NKAIN2: variants seen among roughly 807,000 people sequenced by gnomAD.
NKAIN2 encodes the protein sodium/potassium transporting ATPase interacting 2.
In NKAIN2, 14 loss-of-function variants were observed where a neutral mutation model predicts 32.6. That is an observed-to-expected ratio of 0.43 (90% CI 0.28 to 0.67). NKAIN2 has a LOEUF of 0.67. Ranked by LOEUF, NKAIN2 falls within the 30% of genes least tolerant of loss-of-function variation. The probability of loss-of-function intolerance (pLI) is 0.17; values close to 1 mark genes in which losing one functional copy is unlikely to be tolerated. For missense variants in NKAIN2, 198 were observed against 258.3 expected (o/e 0.77, Z 1.60); for synonymous variants, 80 against 87.2 (o/e 0.92, Z 0.46).
intron 3 of NKAIN2, among the ~76,000 whole-genome samples, chr6:124,455,547 T>G (rs1776286848): frequency 6.6e-6 from 1 of 152,042 alleles, no homozygotes; most frequent in Non-Finnish European, 1.5e-5. Flanking sequence ...TAAATGACTA[T>G]GATGATATTA....
chr6:124,441,614 A>G (rs1248738159), intron 3 of NKAIN2, among the ~76,000 whole-genome samples: 3 of 151,984 alleles, frequency 2.0e-5, no homozygotes, highest in Non-Finnish European at 4.4e-5. Context: ...GCCAGTATCT[A>G]TTTCCAGCCA....
At chr6:124,459,417 A>G (rs1473769445) in intron 3 of NKAIN2, among the ~76,000 whole-genome samples, 1 of 151,918 alleles carries the variant, frequency 6.6e-6, no homozygotes, top group South Asian at 2.1e-4. Flanking sequence ...TATCTTTGTC[A>G]TACTACCTGG....
chr6:124,604,459 CTCTG>C (rs926602721), intron 3 of NKAIN2, among the ~76,000 whole-genome samples: 2 of 151,688 alleles, frequency 1.3e-5, no homozygotes, highest in African/African-American at 4.8e-5. Context: ...TTCCCAGTGT[CTCTG>C]TCTCTCTCCC....
intron 3 of NKAIN2, among the ~76,000 whole-genome samples, chr6:124,591,779 C>T (rs758351023): frequency 4.6e-5 from 7 of 151,890 alleles, no homozygotes; most frequent in African/African-American, 1.5e-4. Flanking sequence ...CTCTGCCAAG[C>T]TTTGAGATTT....
chr6:124,374,548 A>G (rs1213042305), intron 3 of NKAIN2, among the ~76,000 whole-genome samples: 1 of 152,158 alleles, frequency 6.6e-6, no homozygotes, highest in Non-Finnish European at 1.5e-5. Context: ...CAATTAAGGA[A>G]ATTAGATTCA....
intron 1 of NKAIN2, among the ~76,000 whole-genome samples, chr6:123,914,684 T>C (rs1344835441): frequency 6.6e-6 from 1 of 152,174 alleles, no homozygotes; most frequent in Non-Finnish European, 1.5e-5. Flanking sequence ...ATACCCCGGC[T>C]GTCTCACTCA....
chr6:124,226,384 C>G (rs1792109365), intron 1 of NKAIN2, among the ~76,000 whole-genome samples: 1 of 151,958 alleles, frequency 6.6e-6, no homozygotes, highest in Admixed American at 6.6e-5. Context: ...TTCTTTAAAA[C>G]AAGCTTTTCC....
intron 2 of NKAIN2, 174 bp downstream of exon 2, chr6:124,283,316 T>A: frequency 1.9e-6 from 1 of 531,374 alleles, no homozygotes; most frequent in Non-Finnish European, 3.3e-6. Flanking sequence ...ATTGAAAATG[T>A]CAGGTTTAAG....
intron 3 of NKAIN2, among the ~76,000 whole-genome samples, chr6:124,442,690 A>T (rs1775740097): frequency 6.6e-6 from 1 of 152,008 alleles, no homozygotes; most frequent in Non-Finnish European, 1.5e-5. Context: ...TGACATAGTG[A>T]CCTCTACCCT....
intron 2 of NKAIN2, among the ~76,000 whole-genome samples, chr6:124,344,902 T>C (rs1798327889): frequency 6.6e-6 from 1 of 152,196 alleles, no homozygotes; most frequent in Non-Finnish European, 1.5e-5. Context: ...GACATCCCTG[T>C]CTTGTGCCAG....
Position 124,323,910 on chromosome 6 carries a change from C to T in NKAIN2, c.193-31357C>T, listed in dbSNP as rs1797309316. On this transcript the variant is annotated intron_variant, in intron 2 of 6. Coordinates refer to ENST00000368417, the MANE Select transcript of NKAIN2 (RefSeq NM_001040214.3). ...ACATGCCATTCTCCTGCCTCAGCCT[C>T]CCGAGGAGCTGGGACTACAGGCGCC... is the stretch of plus-strand genomic sequence containing the variant. Among the ~76,000 whole-genome samples the T allele has an allele frequency of 2.6e-5, 4 of 151,670 alleles. No homozygotes were observed. In the South Asian group the frequency reaches 8.3e-4, roughly 32 times the overall value.
intron 4 of NKAIN2, among the ~76,000 whole-genome samples, chr6:124,754,034 C>T (rs1051233960): frequency 6.6e-6 from 1 of 152,040 alleles, no homozygotes; most frequent in South Asian, 2.1e-4. Context: ...TTTCATGAGT[C>T]TATTTTAGTA....
At chr6:124,220,530 T>C (rs1439100802) in intron 1 of NKAIN2, among the ~76,000 whole-genome samples, 1 of 79,412 alleles carries the variant, frequency 1.3e-5, no homozygotes, top group Non-Finnish European at 2.9e-5. Flanking sequence ...TGAATAAACA[T>C]ACATATGTAT....
intron 3 of NKAIN2, among the ~76,000 whole-genome samples, chr6:124,395,871 C>A (rs770644733): frequency 2.0e-5 from 3 of 151,976 alleles, no homozygotes; most frequent in Admixed American, 6.6e-5. Flanking sequence ...TACAGAGTCT[C>A]GGAGTAATAA....
At chr6:124,281,928 C>T (rs2114917926) in intron 1 of NKAIN2, among the ~76,000 whole-genome samples, 1 of 152,220 alleles carries the variant, frequency 6.6e-6, no homozygotes, top group Admixed American at 6.5e-5. Context: ...TCCTTGAAAA[C>T]CTGGCTGAAT....
At chr6:124,766,284 A>G (rs1778512139) in intron 4 of NKAIN2, among the ~76,000 whole-genome samples, 2 of 152,138 alleles carry the variant, frequency 1.3e-5, no homozygotes, top group African/African-American at 4.8e-5. Context: ...GACTGTCGAG[A>G]TGAATTCTAC....
At chr6:124,686,310 G>GA (rs1463686832) in intron 4 of NKAIN2, among the ~76,000 whole-genome samples, 2 of 152,104 alleles carry the variant, frequency 1.3e-5, no homozygotes, top group Admixed American at 1.3e-4. Flanking sequence ...AATTTATAAA[G>GA]AAAAAAGGTT....
intron 1 of NKAIN2, among the ~76,000 whole-genome samples, chr6:124,157,919 A>G (rs1393698442): frequency 6.6e-6 from 1 of 152,218 alleles, no homozygotes; most frequent in Non-Finnish European, 1.5e-5. Flanking sequence ...AAATTTAATT[A>G]AAGATGAAAG....
intron 1 of NKAIN2, among the ~76,000 whole-genome samples, chr6:123,863,076 T>C (rs1201475968): frequency 1.3e-5 from 2 of 152,276 alleles, no homozygotes; most frequent in East Asian, 1.9e-4. Flanking sequence ...AGCATAAGCT[T>C]TAAAAACAGC....
Sources: allele counts gnomAD v4.1 joint callset (sites outside exome capture counted in the v4.1 genomes callset), GRCh38; gene constraint gnomAD v4.1.1; transcripts MANE v1.5; gene names NCBI Gene and HGNC (gene_info 2026-07-23, HGNC 2026-07-21).